DPP10: variants seen among roughly 807,000 people sequenced by gnomAD.
DPP10 encodes the protein dipeptidyl peptidase like 10.
DPP10 carries 33 observed loss-of-function variants against 120.9 expected under a neutral mutation model. The observed-to-expected ratio is 0.27, with a 90% confidence interval of 0.21 to 0.37. DPP10 has a LOEUF of 0.37. Among genes scored for constraint, DPP10 ranks in the 10% least tolerant of loss-of-function variants. The probability of loss-of-function intolerance (pLI) is 1.00; values close to 1 mark genes in which losing one functional copy is unlikely to be tolerated. For missense variants in DPP10, 816 were observed against 942.8 expected (o/e 0.87, Z 1.76); for synonymous variants, 337 against 326.1 (o/e 1.03, Z -0.36).
chr2:115,191,909 A>G (rs773422734), intron 1 of DPP10, among the ~76,000 whole-genome samples: 7 of 152,186 alleles, frequency 4.6e-5, no homozygotes, highest in Non-Finnish European at 8.8e-5. Context: ...TGAGAAACTG[A>G]TCTTTTGTTT....
In DPP10 at chr2:115,256,785, A is replaced by G. The variant is rs138078251; in HGVS notation, c.61-52454A>G. Among the ~76,000 whole-genome samples the G allele has an allele frequency of 3.3e-5, 5 of 152,256 alleles. No individual in the cohort carries two copies. The East Asian group carries it at 9.7e-4, about 29-fold the overall frequency. ...CAAGCTGCAGATTTTTTAAACTTTT[A>G]CACTCTTCTTCCTTCTTAAACAGAT... is the stretch of plus-strand genomic sequence containing the variant. On this transcript the variant is annotated intron_variant, in intron 1 of 25. Coordinates refer to ENST00000410059, the MANE Select transcript of DPP10 (RefSeq NM_020868.6).
chr2:115,463,317 A>G (rs1399405541), intron 3 of DPP10, among the ~76,000 whole-genome samples: 2 of 152,206 alleles, frequency 1.3e-5, no homozygotes, highest in African/African-American at 4.8e-5. Context: ...TTGACAAGTT[A>G]CTGACTACTA....
At chr2:115,525,858 G>C in intron 4 of DPP10, 40 bp from the exon 5 acceptor site, 1 of 1,473,734 alleles carries the variant, frequency 6.8e-7, no homozygotes, top group Non-Finnish European at 9.2e-7. Flanking sequence ...TTCATGTTAA[G>C]AAGTTTTTAA....
chr2:114,845,042 C>T (rs1464234525), intron 1 of DPP10, among the ~76,000 whole-genome samples: 2 of 152,102 alleles, frequency 1.3e-5, no homozygotes, highest in Non-Finnish European at 2.9e-5. Flanking sequence ...ATTTAAAAGG[C>T]AGGATTGAAA....
intron 19 of DPP10, among the ~76,000 whole-genome samples, chr2:115,807,063 A>G (rs1233612565): frequency 6.6e-6 from 1 of 152,228 alleles, no homozygotes; most frequent in Non-Finnish European, 1.5e-5. Flanking sequence ...ATCAAATGCT[A>G]TCCTAGCTCT....
rs560160981 is a variant in DPP10 at position 114,808,608 on chromosome 2, A to C, written c.60+365770A>C. ...CAATAGCACTTGACATAAAAATGAA[A>C]CCGTTTACCGTGGCCTACAGGGCTT... On this transcript the variant is annotated intron_variant, in intron 1 of 25. Coordinates refer to ENST00000410059, the MANE Select transcript of DPP10 (RefSeq NM_020868.6). Among the ~76,000 whole-genome samples, 3 of 151,276 alleles carry C rather than the reference A, an allele frequency of 2.0e-5. No individual in the cohort carries two copies. The South Asian group carries it at 6.4e-4, about 32-fold the overall frequency.
At chr2:114,755,643 A>C (rs1392504057) in intron 1 of DPP10, among the ~76,000 whole-genome samples, 1 of 152,234 alleles carries the variant, frequency 6.6e-6, no homozygotes, top group African/African-American at 2.4e-5. Context: ...CTGTGATAGA[A>C]TCTGAAGATC....
chr2:115,552,712 C>A (rs573918710), intron 5 of DPP10, among the ~76,000 whole-genome samples: 1 of 151,952 alleles, frequency 6.6e-6, no homozygotes, highest in African/African-American at 2.4e-5. Flanking sequence ...AAATATTCAT[C>A]AATATTCATC....
At chr2:115,468,390 G>A (rs1000621334) in intron 3 of DPP10, 1 of 498,972 alleles carries the variant, frequency 2.0e-6, no homozygotes, top group South Asian at 1.4e-5. Flanking sequence ...CCAGATCCTG[G>A]CAGCCTTTCA....
chr2:115,541,410 C>G (rs1575134199), intron 5 of DPP10, among the ~76,000 whole-genome samples: 2 of 151,736 alleles, frequency 1.3e-5, no homozygotes, highest in African/African-American at 4.8e-5. Context: ...AGGCATATTA[C>G]TGCATTTCAT....
intron 1 of DPP10, among the ~76,000 whole-genome samples, chr2:114,814,954 C>A (rs577112440): frequency 4.0e-4 from 61 of 152,066 alleles, no homozygotes; most frequent in Non-Finnish European, 7.6e-4. Context: ...TCCAGAGGGG[C>A]CTGGCAGGAG....
intron 1 of DPP10, among the ~76,000 whole-genome samples, chr2:114,862,726 G>A (rs1689912060): frequency 1.3e-5 from 2 of 152,064 alleles, no homozygotes; most frequent in African/African-American, 4.8e-5. Context: ...AGAAATGTAG[G>A]CTGAAGATTA....
chr2:115,530,215 A>G (rs1337761093), intron 5 of DPP10, among the ~76,000 whole-genome samples: 2 of 152,084 alleles, frequency 1.3e-5, no homozygotes, highest in Admixed American at 6.6e-5. Flanking sequence ...CCCAGGTGCA[A>G]TTGCTGGGCT....
chr2:115,534,963 GT>G (rs1414582095), intron 5 of DPP10, among the ~76,000 whole-genome samples: 2 of 150,068 alleles, frequency 1.3e-5, no homozygotes, highest in Admixed American at 6.7e-5. Context: ...GGGGTTGTTT[GT>G]TTTTTTCTTG....
chr2:115,292,896 A>G (rs4614945), intron 1 of DPP10, among the ~76,000 whole-genome samples: 111,542 of 151,958 alleles, frequency 0.73, 41,488 homozygotes, highest in Non-Finnish European at 0.79. Flanking sequence ...GGCAGTTTGA[A>G]AGACAAGTGA....
intron 7 of DPP10, among the ~76,000 whole-genome samples, chr2:115,724,485 AC>A (rs542525686): frequency 6.6e-6 from 1 of 152,150 alleles, no homozygotes; most frequent in Non-Finnish European, 1.5e-5. Context: ...ATATTTCCTA[AC>A]TTGACATAAT....
intron 3 of DPP10, among the ~76,000 whole-genome samples, chr2:115,372,631 G>T (rs989543535): frequency 6.6e-6 from 1 of 152,174 alleles, no homozygotes; most frequent in African/African-American, 2.4e-5. Flanking sequence ...ACTGGCTACT[G>T]ATTCAGCAAC....
intron 1 of DPP10, among the ~76,000 whole-genome samples, chr2:114,512,380 T>TG: frequency 6.6e-6 from 1 of 152,220 alleles, no homozygotes; most frequent in South Asian, 2.1e-4. Context: ...TTAGGACTTA[T>TG]TGATTTCATG....
At chr2:114,847,738 T>C (rs182003217) in intron 1 of DPP10, among the ~76,000 whole-genome samples, 2 of 152,206 alleles carry the variant, frequency 1.3e-5, no homozygotes, top group Admixed American at 1.3e-4. Context: ...AAAGTTATCT[T>C]CTTATATTTT....
Sources: allele counts gnomAD v4.1 joint callset (sites outside exome capture counted in the v4.1 genomes callset), GRCh38; gene constraint gnomAD v4.1.1; transcripts MANE v1.5; gene names NCBI Gene and HGNC (gene_info 2026-07-23, HGNC 2026-07-21).